Variants in ASIC5 observed in about 807,000 individuals in gnomAD.
ASIC5 encodes the protein acid sensing ion channel subunit family member 5.
ASIC5 carries 52 observed loss-of-function variants against 51.2 expected under a neutral mutation model. The observed-to-expected ratio is 1.02, with a 90% CI of 0.81 to 1.28. The LOEUF is 1.28. Ranked by LOEUF, ASIC5 falls within the 50% of genes most tolerant of loss-of-function variation. The probability of loss-of-function intolerance (pLI) is 0.00; values close to 1 mark genes in which losing one functional copy is unlikely to be tolerated. For missense variants in ASIC5, 635 were observed against 595.0 expected (o/e 1.07, Z -0.70); for synonymous variants, 231 against 200.7 (o/e 1.15, Z -1.28).
intron 4 of ASIC5, among the ~76,000 whole-genome samples, chr4:155,844,788 C>T (rs756750847): frequency 6.6e-6 from 1 of 152,022 alleles, no homozygotes; most frequent in Non-Finnish European, 1.5e-5. Context: ...GGGAGGAATG[C>T]TCCCTAAAAT....
rs370756774 is a variant in ASIC5, at chr4:155,836,845, A to G, written c.1079T>C (p.Phe360Ser). 9 of 1,593,682 alleles carry G rather than the reference A, an allele frequency of 5.6e-6. No individual in the cohort carries two copies. The highest frequency in any genetic ancestry group is 7.7e-6 in the Non-Finnish European group (9 of 1,168,678). The stretch of plus-strand genomic sequence containing the variant: ...TGTTCCTACTGTACATAAATCCTTA[A>G]ATTCAATGTGGTCTGAAATGAAAAT... ...CVSPVLDHIE[F>S]KDLCTVGTHN... The change falls in exon 8 of 10, where the codon TTT (phenylalanine) becomes TCT (serine). Residue 360 changes from phenylalanine (F) to serine (S), a missense_variant. Phe to Ser is a radical substitution (Grantham distance 155). Coordinates refer to ENST00000537611, the MANE Select transcript of ASIC5 (RefSeq NM_017419.3).
Position 155,866,221 on chromosome 4 carries a change from C to A in ASIC5, c.6G>T (p.Glu2Asp). M[E>D]QTEKSKVYAE... is the part of the protein sequence containing the mutation. ...CATATACTTTTGATTTTTCTGTCTGCTCCATTTGTGATTTCAGTTAAGCAA... is the reference window on the plus strand; with the variant it reads ...CATATACTTTTGATTTTTCTGTCTGATCCATTTGTGATTTCAGTTAAGCAA... Residue 2 changes from glutamate (E) to aspartate (D), a missense_variant, in exon 1 of 10, where the codon GAG becomes GAT. Coordinates refer to ENST00000537611, the MANE Select transcript of ASIC5 (RefSeq NM_017419.3). 6.2e-7 allele frequency: 1 copy of A among 1,608,268 alleles called. No homozygotes were observed. The highest frequency in any genetic ancestry group is 1.1e-5 in the South Asian group (1 of 90,540).
At chr4:155,838,588 G>T (rs574789403) in intron 7 of ASIC5, among the ~76,000 whole-genome samples, 16 of 152,116 alleles carry the variant, frequency 1.1e-4, no homozygotes, top group African/African-American at 3.9e-4. Context: ...TTATAAAAAA[G>T]AACAAAATTT....
chr4:155,843,912 T>A, intron 4 of ASIC5, 82 bp from the exon 5 acceptor site: 7 of 1,259,050 alleles, frequency 5.6e-6, no homozygotes, highest in Non-Finnish European at 8.0e-6. Flanking sequence ...TTTTATCATC[T>A]CATGATAGCG....
At position 155,865,377 on chromosome 4, in the gene ASIC5, T is replaced by C. The variant is rs939707590; in HGVS notation, c.40+810A>G. Among the ~76,000 whole-genome samples, 4 of 152,256 alleles carry C rather than the reference T, an allele frequency of 2.6e-5. No homozygotes were observed. The East Asian group carries it at 7.7e-4, about 29-fold the overall frequency. On this transcript the variant is annotated intron_variant, in intron 1 of 9. Transcript: ENST00000537611. Reference sequence around the variant, plus strand: ...TAGCAAAATATATTTAAATATGCTCTTTTGTGTATTCTTTAGTCATGACTT... The same window carrying C: ...TAGCAAAATATATTTAAATATGCTCCTTTGTGTATTCTTTAGTCATGACTT...
intron 2 of ASIC5, among the ~76,000 whole-genome samples, chr4:155,860,499 G>T (rs1270621998): frequency 2.0e-5 from 3 of 151,804 alleles, no homozygotes; most frequent in Non-Finnish European, 2.9e-5. Flanking sequence ...GCAATGCTGA[G>T]TATAATGTTT....
At chr4:155,847,397 T>G (rs911936861) in intron 4 of ASIC5, among the ~76,000 whole-genome samples, 1 of 152,006 alleles carries the variant, frequency 6.6e-6, no homozygotes, top group Non-Finnish European at 1.5e-5. Context: ...ATCCTCATCT[T>G]CAGGCCCCAC....
At chr4:155,841,453 C>T (rs974733454) in intron 6 of ASIC5, among the ~76,000 whole-genome samples, 2 of 152,086 alleles carry the variant, frequency 1.3e-5, no homozygotes, top group African/African-American at 4.8e-5. Context: ...GTCACTTGTT[C>T]AAGATCACCT....
intron 8 of ASIC5, among the ~76,000 whole-genome samples, chr4:155,833,287 A>G (rs1384966676): frequency 6.6e-6 from 1 of 152,188 alleles, no homozygotes; most frequent in African/African-American, 2.4e-5. Context: ...CATGATTTTA[A>G]AATGGCAATA....
chr4:155,856,538 C>T (rs1228065247), intron 2 of ASIC5, among the ~76,000 whole-genome samples: 2 of 152,126 alleles, frequency 1.3e-5, no homozygotes, highest in African/African-American at 2.4e-5. Flanking sequence ...AAATATCCTC[C>T]TCGGACTTCC....
At position 155,863,473 on chromosome 4, in the gene ASIC5, C is replaced by CT; in HGVS notation, c.321dup (p.Ala108SerfsTer6). 6.2e-7 allele frequency: 1 copy of CT among 1,613,078 alleles called. No individual in the cohort carries two copies. The highest frequency in any genetic ancestry group is 8.5e-7 in the Non-Finnish European group (1 of 1,179,396). ...CTGTTCAAATTACAAAATGTCACAG[C>CT]TGGGAACTCCATCTTTTCCACATAT... On this transcript the variant is annotated frameshift_variant, in exon 2 of 10. Coordinates refer to ENST00000537611, the MANE Select transcript of ASIC5 (RefSeq NM_017419.3). LOFTEE classifies it high-confidence loss of function.
At chr4:155,835,759 G>T (rs547424018) in intron 8 of ASIC5, among the ~76,000 whole-genome samples, 66 of 152,016 alleles carry the variant, frequency 4.3e-4, no homozygotes, top group Non-Finnish European at 8.7e-4. Flanking sequence ...CACTCCATTA[G>T]CCCTGTTTTG....
intron 8 of ASIC5, among the ~76,000 whole-genome samples, chr4:155,833,539 T>C (rs1183898594): frequency 6.6e-6 from 1 of 152,182 alleles, no homozygotes; most frequent in African/African-American, 2.4e-5. Flanking sequence ...TAATCAGGGA[T>C]TACAGTAATA....
At chr4:155,830,144 G>A in intron 9 of ASIC5, 98 bp from the exon 10 acceptor site, 1 of 739,240 alleles carries the variant, frequency 1.4e-6, no homozygotes, top group Non-Finnish European at 2.1e-6. Flanking sequence ...AGTCATAACT[G>A]AGATGAAGAT....
chr4:155,862,727 A>C (rs1023521282), intron 2 of ASIC5, among the ~76,000 whole-genome samples: 4 of 152,140 alleles, frequency 2.6e-5, no homozygotes, highest in Non-Finnish European at 5.9e-5. Context: ...TTGCAGCCGC[A>C]CTGATCACAG....
Position 155,854,122 on chromosome 4 carries a change from GC to G in ASIC5, c.539del (p.Ser180ThrfsTer43). On this transcript the variant is annotated frameshift_variant, in exon 3 of 10. Transcript: ENST00000537611. LOFTEE classifies it high-confidence loss of function. ...CAAAAAACTCACAGTCCAACAAAGT[GC>G]TATTGTTGAGATAAAAACCTTTGTT... ...IRNKGFYLNN[S>X]TLLDCEFFGK... The G allele has an allele frequency of 6.2e-7, 1 of 1,613,220 alleles. No individual in the cohort carries two copies. The highest frequency in any genetic ancestry group is 8.5e-7 in the Non-Finnish European group (1 of 1,179,516).
In ASIC5 at chr4:155,843,752, G is replaced by A; in HGVS notation, c.790C>T (p.Pro264Ser). Residue 264 changes from proline (P) to serine (S), a missense_variant, in exon 5 of 10, where the codon CCA (proline) becomes TCA (serine). Physicochemically the swap from Pro to Ser is moderately conservative, Grantham distance 74. Transcript: ENST00000537611. Reference protein sequence around the residue: ...IFVIHSPKKVPQFDGLGLLSP... With the variant: ...IFVIHSPKKVSQFDGLGLLSP... ...AACAAGCCTAACCCATCAAACTGTGGCACCTTCTTTGGTGAATGGATAACA... is the reference window on the plus strand; with the variant it reads ...AACAAGCCTAACCCATCAAACTGTGACACCTTCTTTGGTGAATGGATAACA... 1 of 1,613,666 alleles carries A rather than the reference G, an allele frequency of 6.2e-7. No homozygotes were observed.
intron 2 of ASIC5, among the ~76,000 whole-genome samples, chr4:155,859,980 C>T (rs1172844566): frequency 6.6e-6 from 1 of 151,950 alleles, no homozygotes; most frequent in Non-Finnish European, 1.5e-5. Flanking sequence ...TGAAGTTCTG[C>T]GTTAGACACA....
chr4:155,854,278 A>G lies in ASIC5; in HGVS notation c.384T>C (p.Ile128=). Residue 128 remains isoleucine (I), a synonymous_variant, in exon 3 of 10, where the codon ATT becomes ATC. Coordinates refer to ENST00000537611, the MANE Select transcript of ASIC5 (RefSeq NM_017419.3). ...QTDAVAKFGV[I]FFLWHIVSKV... is the part of the protein sequence containing the mutation. Reference sequence around the variant, plus strand: ...TGGATACAATGTGCCATAAGAAAAAAATAACACCAAATTTGGCTACAGCAT... The same window carrying G: ...TGGATACAATGTGCCATAAGAAAAAGATAACACCAAATTTGGCTACAGCAT... The G allele has an allele frequency of 6.2e-7, 1 of 1,613,002 alleles. No individual in the cohort carries two copies. Among genetic ancestry groups the G allele is most frequent in the South Asian group, 1.1e-5 (1 of 91,048 alleles).
Sources: gnomAD v4.1 joint callset for allele counts (sites outside exome capture counted in the v4.1 genomes callset) on GRCh38, gnomAD v4.1.1 for gene constraint, MANE v1.5 for transcripts, NCBI Gene and HGNC (gene_info 2026-07-23, HGNC 2026-07-21) for gene names.